AMPD3: variants seen among roughly 807,000 people sequenced by gnomAD.
AMPD3 encodes AMP deaminase 3.
AMPD3 carries 57 observed loss-of-function variants against 82.3 expected under a neutral mutation model. The ratio of observed to expected loss-of-function variants is 0.69; its 90% confidence interval spans 0.56 to 0.86. The LOEUF (loss-of-function observed/expected upper bound fraction) is 0.86, where lower values mean the gene tolerates loss of function less well. Ranked by LOEUF, AMPD3 falls within the 40% of genes least tolerant of loss-of-function variation. The pLI, the probability that AMPD3 is intolerant of heterozygous loss-of-function variation, is 0.00. For synonymous variants in AMPD3, 381 were observed against 394.7 expected (o/e 0.97, Z 0.41); for missense variants, 870 against 1,003.8 (o/e 0.87, Z 1.80).
intron 2 of AMPD3, among the ~76,000 whole-genome samples, chr11:10,466,033 G>A (rs1194691035): frequency 3.9e-5 from 6 of 152,058 alleles, no homozygotes; most frequent in Admixed American, 2.0e-4. Flanking sequence ...AGGCCAAGGC[G>A]AGTGGATCAC....
At chr11:10,469,305 A>G (rs1313160729) in intron 2 of AMPD3, among the ~76,000 whole-genome samples, 1 of 152,198 alleles carries the variant, frequency 6.6e-6, no homozygotes, top group African/African-American at 2.4e-5. Flanking sequence ...AAAAAATAAT[A>G]AACGGGGTAT....
chr11:10,453,991 A>C (rs1385470966), upstream of AMPD3, among the ~76,000 whole-genome samples: 2 of 152,206 alleles, frequency 1.3e-5, no homozygotes, highest in Non-Finnish European at 2.9e-5. Flanking sequence ...AGTCTCGGGC[A>C]GGAGAAGCGG....
At chr11:10,478,464 C>T (rs1848803751) in intron 2 of AMPD3, 62 bp from the exon 3 acceptor site, 5 of 1,601,852 alleles carry the variant, frequency 3.1e-6, no homozygotes, top group Non-Finnish European at 4.3e-6. Flanking sequence ...AGCAAAGAGT[C>T]TTTATCACTC....
intron 3 of AMPD3, among the ~76,000 whole-genome samples, chr11:10,480,965 G>A (rs948750409): frequency 6.6e-6 from 1 of 152,140 alleles, no homozygotes; most frequent in Non-Finnish European, 1.5e-5. Flanking sequence ...TAATGAGCCT[G>A]TTGGAAGGCG....
Position 10,495,561 on chromosome 11 carries a change from T to G in AMPD3, c.1267-9T>G. ...GCACTGGGGCTGACCCAAGCTCTTC[T>G]TGTGCCAGGAGGTTGCCCGGGAGCT... On this transcript the variant is annotated splice_polypyrimidine_tract_variant and intron_variant, in intron 8 of 14. Coordinates refer to ENST00000396553, the MANE Select transcript of AMPD3 (RefSeq NM_001025389.2). 6.2e-7 allele frequency: 1 copy of G among 1,612,602 alleles called. No homozygotes were observed. Among genetic ancestry groups the G allele is most frequent in the Non-Finnish European group, 8.5e-7 (1 of 1,180,010 alleles).
chr11:10,481,402 G>T (rs570684454), intron 3 of AMPD3: 1 of 984,166 alleles, frequency 1.0e-6, no homozygotes. Flanking sequence ...CATGGGCCTG[G>T]TACAAAAACA....
intron 7 of AMPD3, 159 bp downstream of exon 7, chr11:10,493,702 G>A (rs1040927793): frequency 2.3e-6 from 2 of 853,290 alleles, no homozygotes; most frequent in Non-Finnish European, 1.9e-6. Flanking sequence ...GAGAATAACA[G>A]GTCTGGGGCA....
rs575529738 is a variant in AMPD3, at chr11:10,507,140, G to T, written c.*1256G>T. 1 of 152,460 alleles carries T rather than the reference G, an allele frequency of 6.6e-6. No homozygotes were observed. Among genetic ancestry groups the T allele is most frequent in the Non-Finnish European group, 1.5e-5 (1 of 68,024 alleles). 9.4% of individuals were successfully genotyped at this position (152,460 alleles called of 1,614,324 possible). A position where few individuals can be genotyped will look rare whatever the true frequency, so the allele number is the denominator to read the frequency against. Reference sequence around the variant, plus strand: ...TTGAATAACTAAGTGAATTTCTTTTGGCAACTTTTTAAGGACATGTGCTCT... The same window carrying T: ...TTGAATAACTAAGTGAATTTCTTTTTGCAACTTTTTAAGGACATGTGCTCT... On this transcript the variant is annotated 3_prime_UTR_variant, in exon 15 of 15. Transcript: ENST00000396553.
intron 6 of AMPD3, among the ~76,000 whole-genome samples, 187 bp downstream of exon 6, chr11:10,487,551 A>T (rs544491387): frequency 6.6e-6 from 1 of 152,338 alleles, no homozygotes; most frequent in African/African-American, 2.4e-5. Flanking sequence ...CATTTGTGTC[A>T]GGCTGGGCCT....
rs766152854 is a variant in AMPD3 at position 10,496,840 on chromosome 11, C to T, written c.1459C>T (p.Pro487Ser). 6.8e-6 allele frequency: 11 copies of T among 1,614,030 alleles called. No individual in the cohort carries two copies. Among genetic ancestry groups the T allele is most frequent in the Non-Finnish European group, 9.3e-6 (11 of 1,180,022 alleles). ...YDIFRSKKLL[P>S]NFGKMLENIF... ...CATATTTAGGTCAAAGAAGCTGCTG[C>T]CAAACTTTGGGAAGATGCTGGAGAA... The change falls in exon 10 of 15, where the codon CCA becomes TCA. Residue 487 changes from proline (P) to serine (S), a missense_variant. Transcript: ENST00000396553.
At chr11:10,496,704 G>T in intron 9 of AMPD3, 108 bp from the exon 10 acceptor site, 1 of 1,569,574 alleles carries the variant, frequency 6.4e-7, no homozygotes, top group Non-Finnish European at 8.7e-7. Flanking sequence ...CTTGATTCTG[G>T]GTGTTTGATG....
intron 5 of AMPD3, chr11:10,486,659 T>G: frequency 1.0e-6 from 1 of 985,422 alleles, no homozygotes. Flanking sequence ...GAGAGATCCT[T>G]GGGCCGTGGC....
Position 10,482,140 on chromosome 11 carries a change from C to G in AMPD3, c.504C>G (p.Leu168=), listed in dbSNP as rs754355489. ...TGATCCGGGAGAAGTATGCGCGGCT[C>G]GCCTACCACCGCTTCCCGCGGATCA... The part of the protein sequence containing the change: ...ALMIREKYAR[L]AYHRFPRITS... The change falls in exon 4 of 15, where the codon CTC becomes CTG. Residue 168 remains leucine (L), a synonymous_variant. Transcript: ENST00000396553. The G allele has an allele frequency of 6.2e-7, 1 of 1,614,134 alleles. No homozygotes were observed. The highest frequency in any genetic ancestry group is 1.1e-5 in the South Asian group (1 of 91,088).
At chr11:10,504,810 CTG>C in intron 14 of AMPD3, 151 bp downstream of exon 14, 1 of 796,010 alleles carries the variant, frequency 1.3e-6, no homozygotes, top group African/African-American at 1.7e-5. Context: ...CGGCAGCCTC[CTG>C]TGTTTTCATG....
At chr11:10,461,158 A>G in intron 1 of AMPD3, 1 of 1,207,460 alleles carries the variant, frequency 8.3e-7, no homozygotes, top group South Asian at 1.6e-5. Flanking sequence ...GAGGAGGGAG[A>G]GCTGAACTCT....
At chr11:10,485,719 G>A (rs1849048060) in intron 5 of AMPD3, among the ~76,000 whole-genome samples, 1 of 146,210 alleles carries the variant, frequency 6.8e-6, no homozygotes, top group African/African-American at 2.4e-5. Context: ...CAGGCCTTGA[G>A]TTTTCTGGGT....
chr11:10,461,545 A>G lies in AMPD3; in HGVS notation c.26A>G (p.Asn9Ser). The change falls in exon 2 of 15, where the codon AAC becomes AGC. Residue 9 changes from asparagine (N) to serine (S), a missense_variant. Asn to Ser is a conservative substitution (Grantham distance 46, BLOSUM62 1). Transcript: ENST00000396553. The stretch of plus-strand genomic sequence containing the variant: ...ATGCCGCGGCAGTTTCCCAAGCTGA[A>G]CATCTCTGAAGTGGATGAGCAAGTC... The part of the protein sequence containing the change: MPRQFPKL[N>S]ISEVDEQVRL... 6.2e-7 allele frequency: 1 copy of G among 1,614,164 alleles called. No homozygotes were observed. The highest frequency in any genetic ancestry group is 8.5e-7 in the Non-Finnish European group (1 of 1,180,040).
chr11:10,497,038 A>G (rs2071017), intron 10 of AMPD3, 100 bp downstream of exon 10: 288,734 of 1,459,320 alleles, frequency 0.2, 31,432 homozygotes, highest in East Asian at 0.45. Context: ...TCACGATGGT[A>G]TCTTAGGTCC....
intron 8 of AMPD3, chr11:10,495,313 G>A (rs1054568266): frequency 4.1e-6 from 4 of 985,338 alleles, no homozygotes; most frequent in Admixed American, 6.1e-5. Context: ...ACCTAGCTGG[G>A]TGCAGATGAG....
Sources: gnomAD v4.1 joint callset for allele counts (sites outside exome capture counted in the v4.1 genomes callset) on GRCh38, gnomAD v4.1.1 for gene constraint, MANE v1.5 for transcripts, NCBI Gene and HGNC (gene_info 2026-07-23, HGNC 2026-07-21) for gene names.